The following PUM2 variants were observed in gnomAD, a reference collection of about 807,000 sequenced individuals.
PUM2 encodes pumilio homolog 2.
Under a neutral mutation model 124.5 loss-of-function variants are expected in PUM2, and 57 were observed. The observed-to-expected ratio is 0.46, with a 90% CI of 0.37 to 0.57. PUM2 has a LOEUF of 0.57. Ranked by LOEUF, PUM2 falls within the 20% of genes least tolerant of loss-of-function variation. The pLI, the probability that PUM2 is intolerant of heterozygous loss-of-function variation, is 0.00. For missense variants in PUM2, 1,065 were observed against 1,290.6 expected, an observed-to-expected ratio of 0.83 and a Z score of 2.68; for synonymous variants, 460 against 446.1, an observed-to-expected ratio of 1.03 and a Z score of -0.39.
intron 13 of PUM2, among the ~76,000 whole-genome samples, chr2:20,269,581 G>T (rs146401973): frequency 6.6e-6 from 1 of 152,060 alleles, no homozygotes; most frequent in African/African-American, 2.4e-5. Flanking sequence ...AACAAAGTGG[G>T]CATATTTAAA....
chr2:20,338,352 G>C (rs1686550024), intron 1 of PUM2, among the ~76,000 whole-genome samples: 1 of 152,118 alleles, frequency 6.6e-6, no homozygotes. Context: ...AGCCGAGACT[G>C]CACCACTGCA....
intron 10 of PUM2, among the ~76,000 whole-genome samples, chr2:20,287,238 G>A (rs1057142735): frequency 6.6e-6 from 1 of 152,114 alleles, no homozygotes; most frequent in African/African-American, 2.4e-5. Context: ...TTGTAGAATG[G>A]TGAAAATAAA....
intron 8 of PUM2, among the ~76,000 whole-genome samples, chr2:20,294,894 G>A (rs566424286): frequency 6.6e-6 from 1 of 152,260 alleles, no homozygotes; most frequent in East Asian, 1.9e-4. Context: ...TTTGACTACT[G>A]AGATGGATTA....
At chr2:20,293,823 AGTCAGAATTCTGTTATT>A (rs1365554712) in intron 9 of PUM2, among the ~76,000 whole-genome samples, 4 of 152,168 alleles carry the variant, frequency 2.6e-5, no homozygotes, top group Non-Finnish European at 5.9e-5. Context: ...TGAATGTGAC[AGTCAGAATTCTGTTATT>A]TATTATAGTG....
intron 3 of PUM2, among the ~76,000 whole-genome samples, chr2:20,312,752 C>T (rs753859655): frequency 2.6e-5 from 4 of 152,122 alleles, no homozygotes; most frequent in Non-Finnish European, 4.4e-5. Context: ...AAAGAGTCCG[C>T]ATAGCCAAGA....
At chr2:20,327,900 T>C (rs1339972469) in intron 1 of PUM2, among the ~76,000 whole-genome samples, 3 of 152,152 alleles carry the variant, frequency 2.0e-5, no homozygotes, top group African/African-American at 7.2e-5. Flanking sequence ...TAAATTACAC[T>C]GGGATTTTCA....
chr2:20,336,771 T>A (rs1206939125), intron 1 of PUM2, among the ~76,000 whole-genome samples: 2 of 131,738 alleles, frequency 1.5e-5, no homozygotes, highest in African/African-American at 5.8e-5. Flanking sequence ...TGTGTGTGTG[T>A]GTGTGTGTGT....
chr2:20,254,487 T>C (rs1280355242), intron 19 of PUM2, among the ~76,000 whole-genome samples: 1 of 152,182 alleles, frequency 6.6e-6, no homozygotes, highest in Non-Finnish European at 1.5e-5. Context: ...AATTGGTATC[T>C]TGGAACAACC....
intron 9 of PUM2, 62 bp from the exon 10 acceptor site, chr2:20,290,852 T>G (rs1240923801): frequency 1.6e-6 from 2 of 1,267,874 alleles, no homozygotes; most frequent in African/African-American, 3.0e-5. Context: ...AAATTTATCT[T>G]GGACAACTGT....
intron 2 of PUM2, among the ~76,000 whole-genome samples, chr2:20,326,761 A>T (rs1683780537): frequency 6.6e-6 from 1 of 152,222 alleles, no homozygotes. Context: ...TACAGGGGAG[A>T]CAAGTGTAAA....
At chr2:20,268,835 C>T (rs1668345340) in intron 13 of PUM2, among the ~76,000 whole-genome samples, 1 of 151,902 alleles carries the variant, frequency 6.6e-6, no homozygotes, top group Non-Finnish European at 1.5e-5. Context: ...ATGTCTATTG[C>T]ATGTAAAGTA....
intron 1 of PUM2, among the ~76,000 whole-genome samples, chr2:20,345,163 G>A (rs763199757): frequency 6.1e-4 from 92 of 149,786 alleles, no homozygotes; most frequent in Non-Finnish European, 1.1e-3. Flanking sequence ...GCAGCGGCAC[G>A]ATCACAACTC....
chr2:20,282,866 A>G, intron 12 of PUM2, 81 bp downstream of exon 12: 1 of 1,396,130 alleles, frequency 7.2e-7, no homozygotes, highest in Non-Finnish European at 9.7e-7. Context: ...CCTACATGCT[A>G]TTATTGCTTA....
chr2:20,331,655 A>C (rs561849186), intron 1 of PUM2: 2 of 152,298 alleles, frequency 1.3e-5, no homozygotes, highest in South Asian at 4.1e-4. Context: ...AAAAGGAAAA[A>C]AAAACTATCA....
At chr2:20,317,541 G>T (rs1355272354) in intron 3 of PUM2, among the ~76,000 whole-genome samples, 1 of 152,098 alleles carries the variant, frequency 6.6e-6, no homozygotes, top group East Asian at 1.9e-4. Context: ...TGAAAATACA[G>T]AATTTTATTA....
rs1304133991 is a variant in PUM2 at position 20,249,412 on chromosome 2, C to T, written c.*2173G>A. The T allele has an allele frequency of 3.3e-5, 5 of 152,580 alleles. No individual in the cohort carries two copies. The highest frequency in any genetic ancestry group is 7.2e-5 in the African/African-American group (3 of 41,432). The allele number at this position is 152,580 out of a possible 1,614,324, so 9.5% of individuals were successfully genotyped here. A position where few individuals can be genotyped will look rare whatever the true frequency, so the allele number is the denominator to read the frequency against. ...TTAAAAAAATGAAACAAACACAAGG[C>T]GTTGCTGCAGTGACTGGGACATGCT... On this transcript the variant is annotated 3_prime_UTR_variant, in exon 21 of 21. Coordinates refer to ENST00000361078, the MANE Select transcript of PUM2 (RefSeq NM_015317.5).
At chr2:20,281,107 T>A (rs190923164) in intron 12 of PUM2, among the ~76,000 whole-genome samples, 1 of 152,240 alleles carries the variant, frequency 6.6e-6, no homozygotes, top group East Asian at 1.9e-4. Flanking sequence ...AGAGTCCATA[T>A]ATATAGCACT....
intron 16 of PUM2, among the ~76,000 whole-genome samples, chr2:20,257,886 T>C (rs1161367641): frequency 1.3e-5 from 2 of 152,238 alleles, no homozygotes; most frequent in Non-Finnish European, 2.9e-5. Flanking sequence ...AGTAATGCTA[T>C]TGGTTCCAAA....
intron 16 of PUM2, 49 bp downstream of exon 16, chr2:20,258,194 T>C (rs745716226): frequency 4.0e-5 from 59 of 1,461,314 alleles, no homozygotes; most frequent in Non-Finnish European, 5.3e-5. Context: ...TGTAATAATT[T>C]AAAAATTGAA....
Sources: allele counts gnomAD v4.1 joint callset (sites outside exome capture counted in the v4.1 genomes callset), GRCh38; gene constraint gnomAD v4.1.1; transcripts MANE v1.5; gene names NCBI Gene and HGNC (gene_info 2026-07-23, HGNC 2026-07-21).